The following FBXL17 variants were observed in gnomAD, a reference collection of about 807,000 sequenced individuals.
FBXL17 encodes the protein F-box and leucine rich repeat protein 17.
FBXL17 carries 22 observed loss-of-function variants against 66.2 expected under a neutral mutation model. The observed-to-expected ratio is 0.33, with a 90% CI of 0.24 to 0.47. The LOEUF is 0.47. FBXL17 is among the 20% of genes least tolerant of loss of function. The pLI is 1.00. For synonymous variants in FBXL17, 474 were observed against 400.5 expected (o/e 1.18, Z -2.19); for missense variants, 878 against 948.2 (o/e 0.93, Z 0.97).
chr5:107,915,426 C>A (rs1464140640), intron 7 of FBXL17, among the ~76,000 whole-genome samples: 1 of 152,126 alleles, frequency 6.6e-6, no homozygotes, highest in Non-Finnish European at 1.5e-5. Flanking sequence ...TTCATAAGAA[C>A]GTTTTCCCAG....
At chr5:108,236,158 T>A (rs949555555) in intron 4 of FBXL17, among the ~76,000 whole-genome samples, 2 of 152,048 alleles carry the variant, frequency 1.3e-5, no homozygotes, top group Middle Eastern at 3.4e-3. Context: ...TGCAGTGAGC[T>A]TGGACCATAC....
At chr5:108,260,053 C>G (rs959074029) in intron 4 of FBXL17, among the ~76,000 whole-genome samples, 20 of 150,720 alleles carry the variant, frequency 1.3e-4, no homozygotes, top group Non-Finnish European at 5.9e-5. Flanking sequence ...AACCTATGTA[C>G]GTTGAAGTCA....
rs1043124595 is a variant in FBXL17, at chr5:107,925,215, T to C, written c.1823-44036A>G. 7.9e-5 allele frequency among the ~76,000 whole-genome samples: 12 copies of C among 152,210 alleles called. 1 individual carries two copies. Among genetic ancestry groups the C allele is most frequent in the Admixed American group, 5.2e-4 (8 of 15,278 alleles). On this transcript the variant is annotated intron_variant, in intron 7 of 8. Transcript: ENST00000542267. The stretch of plus-strand genomic sequence containing the variant: ...CTTGAAAGAAAAACTCCCAAGTATA[T>C]TTATTTTCTATAACACATGTGTTGT...
chr5:108,318,518 G>A (rs1759475154), intron 4 of FBXL17, among the ~76,000 whole-genome samples: 1 of 151,822 alleles, frequency 6.6e-6, no homozygotes, highest in African/African-American at 2.4e-5. Context: ...TGAGAGGGAA[G>A]TGAAAACTAG....
chr5:107,891,828 T>C (rs558510321), intron 7 of FBXL17, among the ~76,000 whole-genome samples: 47 of 152,290 alleles, frequency 3.1e-4, no homozygotes, highest in African/African-American at 1.1e-3. Flanking sequence ...AATCTTTGCG[T>C]CATCATTGAC....
intron 6 of FBXL17, among the ~76,000 whole-genome samples, chr5:108,123,337 T>C (rs779331400): frequency 6.6e-6 from 1 of 152,042 alleles, no homozygotes; most frequent in Non-Finnish European, 1.5e-5. Flanking sequence ...CAGGCAAAGC[T>C]CTTGAAAGCA....
intron 7 of FBXL17, among the ~76,000 whole-genome samples, chr5:107,952,468 A>C (rs1751527403): frequency 6.6e-6 from 1 of 152,202 alleles, no homozygotes; most frequent in Non-Finnish European, 1.5e-5. Flanking sequence ...ATTTTAATAT[A>C]ATTGTTTCTT....
chr5:108,120,376 T>G (rs1385999147), intron 6 of FBXL17, among the ~76,000 whole-genome samples: 1 of 152,146 alleles, frequency 6.6e-6, no homozygotes, highest in Admixed American at 6.5e-5. Flanking sequence ...AGATATTTCA[T>G]AGAAAACAAT....
rs577533934 is a variant in FBXL17 at position 107,918,205 on chromosome 5, G to A, written c.1823-37026C>T. Among the ~76,000 whole-genome samples, 131 of 152,314 alleles carry A rather than the reference G, an allele frequency of 8.6e-4. 2 individuals are homozygous for A. Among genetic ancestry groups the A allele is most frequent in the South Asian group, 7.0e-3 (34 of 4,824 alleles). ...GAGCAATGGGGGCCTGCTGTGAAGA[G>A]AGGCTGAGCTCCCTGGAGGCTGTGG... On this transcript the variant is annotated intron_variant, in intron 7 of 8. Coordinates refer to ENST00000542267, the MANE Select transcript of FBXL17 (RefSeq NM_001163315.3).
chr5:108,381,189 C>G lies in FBXL17; in HGVS notation c.503G>C (p.Arg168Pro). ...CACGGCGGCGGGCGGCCCCAGGAAGCGCACCGGCCCCAAGCTGGCCAGGAA... is the reference window on the plus strand; with the variant it reads ...CACGGCGGCGGGCGGCCCCAGGAAGGGCACCGGCCCCAAGCTGGCCAGGAA... ...SLFLASLGPV[R>P]FLGPPAAVQL... Residue 168 changes from arginine to proline, a missense_variant, in exon 1 of 9, where the codon CGC (arginine) becomes CCC (proline). Arg to Pro is a moderately radical substitution (Grantham distance 103, BLOSUM62 -2). Coordinates refer to ENST00000542267, the MANE Select transcript of FBXL17 (RefSeq NM_001163315.3). The G allele has an allele frequency of 7.0e-7, 1 of 1,435,560 alleles. No homozygotes were observed. Among genetic ancestry groups the G allele is most frequent in the Non-Finnish European group, 9.1e-7 (1 of 1,096,448 alleles). 88.9% of individuals were successfully genotyped at this position (1,435,560 alleles called of 1,614,324 possible).
At chr5:108,205,083 AT>A (rs34016857) in intron 5 of FBXL17, among the ~76,000 whole-genome samples, 6 of 149,668 alleles carry the variant, frequency 4.0e-5, no homozygotes, top group South Asian at 2.1e-4. Flanking sequence ...CTAATTTCTA[AT>A]TTTTTTTTTA....
chr5:107,991,345 G>A (rs910646969), intron 7 of FBXL17, among the ~76,000 whole-genome samples: 2 of 152,148 alleles, frequency 1.3e-5, no homozygotes, highest in Admixed American at 6.5e-5. Flanking sequence ...GACCTCTTCG[G>A]TTTCACACCT....
intron 4 of FBXL17, among the ~76,000 whole-genome samples, chr5:108,261,233 T>A (rs562184815): frequency 6.6e-6 from 1 of 151,646 alleles, no homozygotes; most frequent in East Asian, 1.9e-4. Context: ...AACATCCAGA[T>A]AACAGGAGGC....
chr5:107,957,785 A>T (rs1284373605), intron 7 of FBXL17, among the ~76,000 whole-genome samples: 1 of 152,174 alleles, frequency 6.6e-6, no homozygotes, highest in African/African-American at 2.4e-5. Context: ...CATATTTAAA[A>T]TATAATTGTG....
chr5:108,046,507 T>C (rs1305108395), intron 6 of FBXL17, among the ~76,000 whole-genome samples: 2 of 152,224 alleles, frequency 1.3e-5, no homozygotes, highest in Non-Finnish European at 2.9e-5. Context: ...TTGTTTTCTC[T>C]GTTTTGCATT....
At chr5:108,360,432 A>G (rs574078998) in intron 3 of FBXL17, among the ~76,000 whole-genome samples, 27 of 152,184 alleles carry the variant, frequency 1.8e-4, no homozygotes, top group Non-Finnish European at 2.8e-4. Context: ...TCTGGCTTCC[A>G]TAGTTTCTGA....
At chr5:108,054,483 C>G (rs1747608584) in intron 6 of FBXL17, among the ~76,000 whole-genome samples, 1 of 152,092 alleles carries the variant, frequency 6.6e-6, no homozygotes, top group Non-Finnish European at 1.5e-5. Context: ...GTATGTATGG[C>G]AGATAGTTGC....
intron 7 of FBXL17, among the ~76,000 whole-genome samples, chr5:107,891,126 CA>C (rs2112517204): frequency 6.6e-6 from 1 of 152,224 alleles, no homozygotes; most frequent in Admixed American, 6.5e-5. Flanking sequence ...TGACATTTGA[CA>C]AAAACCTGAA....
At chr5:108,342,667 T>C (rs1746963996) in intron 4 of FBXL17, among the ~76,000 whole-genome samples, 1 of 152,140 alleles carries the variant, frequency 6.6e-6, no homozygotes, top group African/African-American at 2.4e-5. Context: ...AATTTTGACT[T>C]TGACACCCAC....
Sources: allele counts gnomAD v4.1 joint callset (sites outside exome capture counted in the v4.1 genomes callset), GRCh38; gene constraint gnomAD v4.1.1; transcripts MANE v1.5; gene names NCBI Gene and HGNC (gene_info 2026-07-23, HGNC 2026-07-21).